Variants in TMEM87A observed in about 807,000 individuals in gnomAD.
TMEM87A encodes the protein Golgi-pH regulating cation channel.
A neutral mutation model predicts 90.0 loss-of-function variants in TMEM87A; 50 were observed. That is an observed-to-expected ratio of 0.56 (90% CI 0.44 to 0.70). TMEM87A has a LOEUF of 0.70. Ranked by LOEUF, TMEM87A falls within the 30% of genes least tolerant of loss-of-function variation. The pLI is 0.00. For missense variants in TMEM87A, 577 were observed against 660.5 expected (o/e 0.87, Z 1.39); for synonymous variants, 226 against 226.7 (o/e 1.00, Z 0.03).
intron 10 of TMEM87A, among the ~76,000 whole-genome samples, chr15:42,235,549 T>G (rs533052602): frequency 1.6e-3 from 248 of 152,346 alleles, no homozygotes; most frequent in African/African-American, 5.8e-3. Flanking sequence ...GCATCATCCT[T>G]AATTCCTCTT....
At chr15:42,252,243 G>A (rs954908134) in intron 6 of TMEM87A, among the ~76,000 whole-genome samples, 4 of 152,114 alleles carry the variant, frequency 2.6e-5, no homozygotes, top group African/African-American at 9.7e-5. Flanking sequence ...CTTGCCCTCC[G>A]TGGGCTGCAC....
rs1311886660 is a variant in TMEM87A at position 42,216,060 on chromosome 15, G to A, written c.1626+1743C>T. On this transcript the variant is annotated intron_variant, in intron 19 of 19. Coordinates refer to ENST00000389834, the MANE Select transcript of TMEM87A (RefSeq NM_015497.5). Reference sequence around the variant, plus strand: ...ATGGAACACTTGTCAACCTTAAAAAGGAAGGAAATTCTGACATGTGCTACA... The same window carrying A: ...ATGGAACACTTGTCAACCTTAAAAAAGAAGGAAATTCTGACATGTGCTACA... 4.6e-5 allele frequency among the ~76,000 whole-genome samples: 7 copies of A among 152,108 alleles called. No individual in the cohort carries two copies. In the East Asian group the frequency reaches 1.3e-3, roughly 29 times the overall value.
At chr15:42,240,245 T>C (rs1262316664) in intron 7 of TMEM87A, among the ~76,000 whole-genome samples, 1 of 152,216 alleles carries the variant, frequency 6.6e-6, no homozygotes, top group African/African-American at 2.4e-5. Context: ...CTTTTATTGC[T>C]ACATTCATGT....
intron 7 of TMEM87A, among the ~76,000 whole-genome samples, chr15:42,240,167 T>C (rs1041124688): frequency 2.0e-5 from 3 of 152,230 alleles, no homozygotes; most frequent in African/African-American, 7.2e-5. Flanking sequence ...TGCCATCTTC[T>C]TTGTTTTCTA....
Position 42,211,588 on chromosome 15 carries a change from C to G in TMEM87A, c.*120G>C, listed in dbSNP as rs2050287523. ...CTCGCCAACTCCAATGCCCAAAGAT[C>G]AAGGAACAGATCAGGATGTCATTGC... On this transcript the variant is annotated 3_prime_UTR_variant, in exon 20 of 20. Coordinates refer to ENST00000389834, the MANE Select transcript of TMEM87A (RefSeq NM_015497.5). The G allele has an allele frequency of 2.0e-6, 2 of 992,804 alleles. No individual in the cohort carries two copies. The highest frequency in any genetic ancestry group is 3.3e-5 in the South Asian group (2 of 61,310). 61.5% of individuals were successfully genotyped at this position (992,804 alleles called of 1,614,324 possible).
At chr15:42,260,388 CAT>C (rs1418983801) in intron 6 of TMEM87A, among the ~76,000 whole-genome samples, 1 of 152,108 alleles carries the variant, frequency 6.6e-6, no homozygotes, top group Non-Finnish European at 1.5e-5. Flanking sequence ...CGAAACAAAA[CAT>C]AACTTCTGTA....
chr15:42,253,251 T>C (rs2051117640), intron 6 of TMEM87A, among the ~76,000 whole-genome samples: 1 of 152,224 alleles, frequency 6.6e-6, no homozygotes, highest in African/African-American at 2.4e-5. Context: ...TAAGGTCTTT[T>C]CTGATCGTAT....
intron 4 of TMEM87A, 35 bp from the exon 5 acceptor site, chr15:42,261,284 G>A (rs2051285651): frequency 1.9e-6 from 3 of 1,579,446 alleles, no homozygotes; most frequent in East Asian, 4.5e-5. Context: ...CATTAAAGGT[G>A]TGTAAATACT....
intron 6 of TMEM87A, among the ~76,000 whole-genome samples, chr15:42,259,870 G>T (rs958322761): frequency 6.6e-6 from 1 of 152,186 alleles, no homozygotes; most frequent in African/African-American, 2.4e-5. Flanking sequence ...TGTATTATAT[G>T]ATTCCAGTTA....
At chr15:42,246,768 C>T (rs900066413) in intron 6 of TMEM87A, among the ~76,000 whole-genome samples, 7 of 152,164 alleles carry the variant, frequency 4.6e-5, no homozygotes, top group Non-Finnish European at 7.3e-5. Context: ...GTGCATGTGT[C>T]CTTATACTAG....
chr15:42,243,407 C>A (rs2050910913), intron 7 of TMEM87A, among the ~76,000 whole-genome samples: 1 of 151,366 alleles, frequency 6.6e-6, no homozygotes, highest in South Asian at 2.1e-4. Context: ...TTAGGAAGTT[C>A]TTGGAAATTC....
chr15:42,266,182 A>G (rs1246680396), intron 3 of TMEM87A, among the ~76,000 whole-genome samples: 3 of 152,188 alleles, frequency 2.0e-5, no homozygotes, highest in Admixed American at 6.5e-5. Context: ...ATTCTAGATT[A>G]TGGCAATTCT....
chr15:42,213,482 T>C (rs1437264542), intron 19 of TMEM87A, among the ~76,000 whole-genome samples: 1 of 152,226 alleles, frequency 6.6e-6, no homozygotes, highest in Admixed American at 6.5e-5. Context: ...GAATGGTTTC[T>C]GTAGGGAATG....
At chr15:42,222,908 A>T (rs1011574901) in intron 15 of TMEM87A, among the ~76,000 whole-genome samples, 5 of 152,172 alleles carry the variant, frequency 3.3e-5, no homozygotes, top group Non-Finnish European at 7.4e-5. Context: ...TTTTGAAATC[A>T]CCTTAGGCTA....
At chr15:42,221,944 G>C (rs891913733) in intron 15 of TMEM87A, among the ~76,000 whole-genome samples, 1 of 151,990 alleles carries the variant, frequency 6.6e-6, no homozygotes, top group Admixed American at 6.6e-5. Context: ...TTGTAGAAAT[G>C]GGATCTTGCT....
At chr15:42,264,295 A>C (rs945934422) in intron 3 of TMEM87A, 92 bp from the exon 4 acceptor site, 2 of 790,760 alleles carry the variant, frequency 2.5e-6, no homozygotes, top group African/African-American at 1.7e-5. Context: ...CCTGCAGTAC[A>C]GATACAATTT....
At position 42,226,918 on chromosome 15, in the gene TMEM87A, C is replaced by G. The variant is rs1438842705; in HGVS notation, c.1300-9G>C. On this transcript the variant is annotated splice_polypyrimidine_tract_variant and intron_variant, in intron 14 of 19. Transcript: ENST00000389834. ...CACAGCTCCCGCCAGTCCTACAATACAGGGGAGAAGTACAACATTTATACA... is the reference window on the plus strand; with the variant it reads ...CACAGCTCCCGCCAGTCCTACAATAGAGGGGAGAAGTACAACATTTATACA... The G allele has an allele frequency of 6.2e-7, 1 of 1,613,146 alleles. No homozygotes were observed. The highest frequency in any genetic ancestry group is 8.5e-7 in the Non-Finnish European group (1 of 1,179,270).
Position 42,238,085 on chromosome 15 carries a change from C to T in TMEM87A, c.685-470G>A, listed in dbSNP as rs116771386. 7.1e-3 allele frequency among the ~76,000 whole-genome samples: 1,076 copies of T among 152,018 alleles called. 11 individuals are homozygous for T. Among genetic ancestry groups the T allele is most frequent in the African/African-American group, 0.025 (1,041 of 41,430 alleles). The stretch of plus-strand genomic sequence containing the variant: ...CATATAAAAGGTGCTCTCTATTATA[C>T]ACACAGACACATATATGGTATATAT... On this transcript the variant is annotated intron_variant, in intron 8 of 19. Coordinates refer to ENST00000389834, the MANE Select transcript of TMEM87A (RefSeq NM_015497.5).
intron 6 of TMEM87A, among the ~76,000 whole-genome samples, chr15:42,252,741 T>C (rs1055082182): frequency 3.3e-5 from 5 of 152,210 alleles, no homozygotes; most frequent in African/African-American, 9.6e-5. Flanking sequence ...TTTGAGTATA[T>C]TTAAGACAGT....
Sources: allele counts gnomAD v4.1 joint callset (sites outside exome capture counted in the v4.1 genomes callset), GRCh38; gene constraint gnomAD v4.1.1; transcripts MANE v1.5; gene names NCBI Gene and HGNC (gene_info 2026-07-23, HGNC 2026-07-21).